The following PAPOLA variants were observed in gnomAD, a reference collection of about 807,000 sequenced individuals.
PAPOLA encodes the protein poly(A) polymerase alpha.
Under a neutral mutation model 100.6 loss-of-function variants are expected in PAPOLA, and 15 were observed. The ratio of observed to expected loss-of-function variants is 0.15; its 90% CI spans 0.10 to 0.23. The LOEUF is 0.23. PAPOLA is among the 10% of genes least tolerant of loss of function. The pLI, the probability that PAPOLA is intolerant of heterozygous loss-of-function variation, is 1.00. For missense variants in PAPOLA, 533 were observed against 884.2 expected, an observed-to-expected ratio of 0.60 and a Z score of 5.04; for synonymous variants, 293 against 300.0, an observed-to-expected ratio of 0.98 and a Z score of 0.24.
intron 14 of PAPOLA, among the ~76,000 whole-genome samples, chr14:96,543,528 TTG>T (rs1301374615): frequency 6.6e-6 from 1 of 152,006 alleles, no homozygotes; most frequent in Admixed American, 6.6e-5. Flanking sequence ...ATCATTAAAT[TTG>T]TGTTATACAG....
intron 1 of PAPOLA, among the ~76,000 whole-genome samples, chr14:96,518,414 C>CTT (rs397966631): frequency 6.2e-5 from 9 of 145,382 alleles, no homozygotes; most frequent in South Asian, 4.4e-4. Context: ...TTGCTTTTTG[C>CTT]TTTTTTTTTT....
At chr14:96,502,887 C>A (rs1215358482) in intron 1 of PAPOLA, 5 of 403,716 alleles carry the variant, frequency 1.2e-5, no homozygotes, top group Non-Finnish European at 1.8e-5. Context: ...CTCGCCCGGC[C>A]ACTCCAGCTT....
At chr14:96,536,516 A>G (rs1899543846) in intron 11 of PAPOLA, among the ~76,000 whole-genome samples, 1 of 152,130 alleles carries the variant, frequency 6.6e-6, no homozygotes, top group Admixed American at 6.5e-5. Flanking sequence ...AAATAGAATC[A>G]GTTGTCTGAC....
At chr14:96,545,558 T>G (rs887042585) in intron 15 of PAPOLA, among the ~76,000 whole-genome samples, 4 of 152,054 alleles carry the variant, frequency 2.6e-5, no homozygotes, top group Non-Finnish European at 5.9e-5. Flanking sequence ...TTTTGTTTGT[T>G]TTTTCTCGTT....
chr14:96,544,835 T>G (rs1900261419), intron 15 of PAPOLA, among the ~76,000 whole-genome samples: 1 of 152,036 alleles, frequency 6.6e-6, no homozygotes, highest in Non-Finnish European at 1.5e-5. Flanking sequence ...CTGGAGAAAT[T>G]TTCCGACTAT....
intron 6 of PAPOLA, 93 bp downstream of exon 6, chr14:96,528,099 G>T (rs568540017): frequency 1.3e-6 from 1 of 796,500 alleles, no homozygotes; most frequent in African/African-American, 1.7e-5. Flanking sequence ...TTTATAATTA[G>T]TGAGTTGGTT....
intron 1 of PAPOLA, among the ~76,000 whole-genome samples, chr14:96,508,120 C>G (rs1449650792): frequency 6.6e-6 from 1 of 152,172 alleles, no homozygotes; most frequent in Non-Finnish European, 1.5e-5. Flanking sequence ...AGGTGATCTG[C>G]CTGCCTTGGC....
rs542239164 is a variant in PAPOLA, at chr14:96,508,817, T to A, written c.8+6217T>A. ...TTTAAATAATTGGACAATGCCAGTT[T>A]ATGATTTACAAAGCAGCAACATTAT... On this transcript the variant is annotated intron_variant, in intron 1 of 21. Transcript: ENST00000216277. Among the ~76,000 whole-genome samples, 3 of 152,344 alleles carry A rather than the reference T, an allele frequency of 2.0e-5. No homozygotes were observed. The South Asian group carries it at 6.2e-4, about 32-fold the overall frequency.
At chr14:96,511,222 T>C (rs938019901) in intron 1 of PAPOLA, among the ~76,000 whole-genome samples, 1 of 152,196 alleles carries the variant, frequency 6.6e-6, no homozygotes, top group Non-Finnish European at 1.5e-5. Context: ...ATGCCTAATA[T>C]CACTAGGTGG....
At chr14:96,513,364 A>C (rs757010619) in intron 1 of PAPOLA, among the ~76,000 whole-genome samples, 1 of 152,144 alleles carries the variant, frequency 6.6e-6, no homozygotes, top group Admixed American at 6.6e-5. Context: ...CCGCTGCACC[A>C]GGCCTGGGGA....
In PAPOLA at chr14:96,566,385, A is replaced by C. The variant is rs774863404; in HGVS notation, c.*1335A>C. 1.3e-5 allele frequency: 2 copies of C among 153,148 alleles called. No individual in the cohort carries two copies. Among genetic ancestry groups the C allele is most frequent in the Non-Finnish European group, 2.9e-5 (2 of 68,410 alleles). The allele number at this position is 153,148 out of a possible 1,614,324, so 9.5% of individuals were successfully genotyped here. ...AGCAGTAGAAGATCTATCTTCACAA[A>C]GTATGAGGGATGCCAGATGTTGATA... is the stretch of plus-strand genomic sequence containing the variant. On this transcript the variant is annotated 3_prime_UTR_variant, in exon 22 of 22. Transcript: ENST00000216277.
chr14:96,524,668 A>G (rs1013805783), intron 3 of PAPOLA, among the ~76,000 whole-genome samples: 2 of 152,124 alleles, frequency 1.3e-5, no homozygotes, highest in African/African-American at 2.4e-5. Context: ...CTATATGTGC[A>G]TGCCACCATG....
rs1277080827 is a variant in PAPOLA, at chr14:96,535,059, A to G, written c.909+496A>G. The G allele has an allele frequency of 8.2e-6, 8 of 981,266 alleles. No homozygotes were observed. The East Asian group carries it at 4.5e-4, about 56-fold the overall frequency. The allele number at this position is 981,266 out of a possible 1,614,324, so 60.8% of individuals were successfully genotyped here. On this transcript the variant is annotated intron_variant, in intron 10 of 21. Transcript: ENST00000216277. Reference sequence around the variant, plus strand: ...TAGATATTTTAGAGATTATAAAAACATGGTTGGGCTAAAGAAGACCTTCCA... The same window carrying G: ...TAGATATTTTAGAGATTATAAAAACGTGGTTGGGCTAAAGAAGACCTTCCA...
At chr14:96,523,174 T>C (rs1423699010) in intron 3 of PAPOLA, among the ~76,000 whole-genome samples, 2 of 152,116 alleles carry the variant, frequency 1.3e-5, no homozygotes, top group African/African-American at 4.8e-5. Context: ...TACTCTTCAC[T>C]TAAAAATGAA....
intron 15 of PAPOLA, among the ~76,000 whole-genome samples, chr14:96,545,513 G>T (rs1442880943): frequency 6.6e-6 from 1 of 151,980 alleles, no homozygotes; most frequent in African/African-American, 2.4e-5. Context: ...GGTGGTAGTT[G>T]TATTCCTGGA....
intron 19 of PAPOLA, 75 bp from the exon 20 acceptor site, chr14:96,560,574 A>G (rs1901754356): frequency 3.2e-6 from 3 of 933,516 alleles, no homozygotes; most frequent in East Asian, 4.8e-5. Flanking sequence ...TTTAAAGTTT[A>G]TAAAGTAAAG....
chr14:96,525,980 T>C (rs1328627415), intron 4 of PAPOLA: 1 of 152,186 alleles, frequency 6.6e-6, no homozygotes, highest in Non-Finnish European at 1.5e-5. Flanking sequence ...GAATTCTAGC[T>C]TTTAAGAAAA....
chr14:96,546,038 T>C (rs958152733), intron 15 of PAPOLA, among the ~76,000 whole-genome samples: 1 of 152,134 alleles, frequency 6.6e-6, no homozygotes, highest in Non-Finnish European at 1.5e-5. Flanking sequence ...TGAAACACTT[T>C]AATCCAATAC....
chr14:96,507,499 T>C (rs1376596526), intron 1 of PAPOLA, among the ~76,000 whole-genome samples: 2 of 151,936 alleles, frequency 1.3e-5, no homozygotes, highest in East Asian at 3.9e-4. Context: ...GTGGTCTCGA[T>C]CTCCTGACCT....
Sources: allele counts gnomAD v4.1 joint callset (sites outside exome capture counted in the v4.1 genomes callset), GRCh38; gene constraint gnomAD v4.1.1; transcripts MANE v1.5; gene names NCBI Gene and HGNC (gene_info 2026-07-23, HGNC 2026-07-21).